CHRM2: variants seen among roughly 807,000 people sequenced by gnomAD.
CHRM2 encodes cholinergic receptor muscarinic 2, also known as muscarinic acetylcholine receptor M2.
Under a neutral mutation model 25.0 loss-of-function variants are expected in CHRM2, and 8 were observed. That is an observed-to-expected ratio of 0.32 (90% CI 0.19 to 0.58). The LOEUF (loss-of-function observed/expected upper bound fraction) is 0.58, where lower values mean the gene tolerates loss of function less well. CHRM2 is among the 20% of genes least tolerant of loss of function. CHRM2 has a pLI of 0.88. For missense variants in CHRM2, 440 were observed against 567.1 expected, an observed-to-expected ratio of 0.78 and a Z score of 2.28; for synonymous variants, 202 against 205.7, an observed-to-expected ratio of 0.98 and a Z score of 0.15.
intron 3 of CHRM2, among the ~76,000 whole-genome samples, chr7:136,997,569 T>C (rs1256948992): frequency 6.6e-6 from 1 of 152,200 alleles, no homozygotes; most frequent in African/African-American, 2.4e-5. Context: ...CTCATGTGTT[T>C]TTTAAATTAA....
chr7:136,872,276 C>T (rs995696733), intron 2 of CHRM2, among the ~76,000 whole-genome samples: 7 of 152,090 alleles, frequency 4.6e-5, no homozygotes, highest in African/African-American at 1.4e-4. Flanking sequence ...GTCATAGTTC[C>T]AGTAAAAGGG....
chr7:136,997,000 C>T (rs1361316136), intron 3 of CHRM2, among the ~76,000 whole-genome samples: 1 of 152,170 alleles, frequency 6.6e-6, no homozygotes, highest in Admixed American at 6.6e-5. Context: ...TGTCCACATT[C>T]TCACCCAGCT....
At chr7:136,989,104 G>T (rs900551873) in intron 2 of CHRM2, among the ~76,000 whole-genome samples, 1 of 151,720 alleles carries the variant, frequency 6.6e-6, no homozygotes, top group Non-Finnish European at 1.5e-5. Flanking sequence ...ACAGAACCAG[G>T]GTCTGTTCCT....
intron 2 of CHRM2, among the ~76,000 whole-genome samples, chr7:136,965,779 A>G (rs867108260): frequency 1.6e-4 from 24 of 152,064 alleles, no homozygotes; most frequent in African/African-American, 5.8e-4. Flanking sequence ...TTAAAGAGAT[A>G]CACATAAAAA....
chr7:136,940,361 A>G (rs1343186493), intron 2 of CHRM2, among the ~76,000 whole-genome samples: 1 of 152,230 alleles, frequency 6.6e-6, no homozygotes, highest in African/African-American at 2.4e-5. Flanking sequence ...TAGTGATTAA[A>G]GACATAGACT....
chr7:136,999,365 TG>T (rs1437009879), intron 3 of CHRM2, among the ~76,000 whole-genome samples: 1 of 152,148 alleles, frequency 6.6e-6, no homozygotes, highest in Non-Finnish European at 1.5e-5. Context: ...ACATGTATCC[TG>T]GAACTTTAAA....
intron 2 of CHRM2, among the ~76,000 whole-genome samples, chr7:136,917,951 A>G (rs1334149468): frequency 6.6e-6 from 1 of 152,132 alleles, no homozygotes; most frequent in Non-Finnish European, 1.5e-5. Flanking sequence ...TCCATCATGG[A>G]GCAGACATGA....
At chr7:136,924,617 A>C (rs1798639503) in intron 2 of CHRM2, among the ~76,000 whole-genome samples, 1 of 152,156 alleles carries the variant, frequency 6.6e-6, no homozygotes, top group Admixed American at 6.6e-5. Context: ...TGGGATCAGT[A>C]AATGTAAAAT....
chr7:136,980,236 GCTCT>G (rs1176677044), intron 2 of CHRM2, among the ~76,000 whole-genome samples: 3 of 152,018 alleles, frequency 2.0e-5, no homozygotes, highest in Non-Finnish European at 4.4e-5. Flanking sequence ...TCATGATTTG[GCTCT>G]CTGTTTGTCT....
chr7:136,958,477 A>T, intron 2 of CHRM2, among the ~76,000 whole-genome samples: 3 of 124,132 alleles, frequency 2.4e-5, no homozygotes, highest in African/African-American at 6.2e-5. Context: ...TTTTTCTGAG[A>T]CAGCGTTTTA....
At chr7:136,955,124 G>A (rs1214820935) in intron 2 of CHRM2, among the ~76,000 whole-genome samples, 20 of 152,134 alleles carry the variant, frequency 1.3e-4, no homozygotes, top group Admixed American at 4.6e-4. Context: ...TTAAAAGTTC[G>A]TGTTTTCTTT....
At chr7:136,914,732 G>A (rs536909140) in intron 2 of CHRM2, among the ~76,000 whole-genome samples, 2 of 151,948 alleles carry the variant, frequency 1.3e-5, no homozygotes, top group South Asian at 4.2e-4. Flanking sequence ...ATAAAATAGG[G>A]ATGTTAATCA....
chr7:136,960,593 G>T (rs1801011130), intron 2 of CHRM2, among the ~76,000 whole-genome samples: 1 of 152,212 alleles, frequency 6.6e-6, no homozygotes, highest in African/African-American at 2.4e-5. Flanking sequence ...ACTATAAGTT[G>T]TAGAGTAACT....
intron 2 of CHRM2, among the ~76,000 whole-genome samples, chr7:136,893,778 CAGG>C (rs1275161438): frequency 1.3e-5 from 2 of 152,114 alleles, no homozygotes; most frequent in African/African-American, 4.8e-5. Flanking sequence ...ATGAGCAAAA[CAGG>C]AGATGTGTTG....
In CHRM2 at chr7:136,900,053, T is replaced by C. The variant is rs74390767; in HGVS notation, c.-125+30635T>C. Among the ~76,000 whole-genome samples, 189 of 152,234 alleles carry C rather than the reference T, an allele frequency of 1.2e-3. 1 individual carries two copies. In the East Asian group the frequency reaches 0.032, roughly 26 times the overall value. ...ATTTACTGGGAGGCATTGAAGACTG[T>C]ATAAATAAGTAAAAACAAACTCACA... On this transcript the variant is annotated intron_variant, in intron 2 of 3. Transcript: ENST00000680005.
At chr7:136,922,439 T>G (rs1439575665) in intron 2 of CHRM2, among the ~76,000 whole-genome samples, 1 of 152,194 alleles carries the variant, frequency 6.6e-6, no homozygotes, top group African/African-American at 2.4e-5. Context: ...GCTTAAAGCT[T>G]CTTGTACTTC....
chr7:136,950,804 T>TTGC (rs1475287484), intron 2 of CHRM2, among the ~76,000 whole-genome samples: 1 of 150,938 alleles, frequency 6.6e-6, no homozygotes, highest in Admixed American at 6.6e-5. Flanking sequence ...GTTGTTGTTG[T>TTGC]TGTTGTTGTT....
chr7:136,875,715 C>A (rs561612396), intron 2 of CHRM2, among the ~76,000 whole-genome samples: 19 of 152,260 alleles, frequency 1.2e-4, no homozygotes, highest in African/African-American at 4.3e-4. Flanking sequence ...GAGATCAAAC[C>A]CATGTGAGAG....
At chr7:136,927,320 G>A (rs1033127327) in intron 2 of CHRM2, among the ~76,000 whole-genome samples, 7 of 152,104 alleles carry the variant, frequency 4.6e-5, no homozygotes, top group Non-Finnish European at 1.0e-4. Context: ...TGCTAGGAGC[G>A]AACCAAGTGA....
Sources: allele counts gnomAD v4.1 joint callset (sites outside exome capture counted in the v4.1 genomes callset), GRCh38; gene constraint gnomAD v4.1.1; transcripts MANE v1.5; gene names NCBI Gene and HGNC (gene_info 2026-07-23, HGNC 2026-07-21).